PLA2G6: variants seen among roughly 807,000 people sequenced by gnomAD.
The protein encoded by PLA2G6 is 85/88 kDa calcium-independent phospholipase A2.
PLA2G6 carries 62 observed loss-of-function variants against 83.8 expected under a neutral mutation model. That is an observed-to-expected ratio of 0.74 (90% confidence interval 0.60 to 0.91). The LOEUF (loss-of-function observed/expected upper bound fraction) is 0.91, where lower values mean the gene tolerates loss of function less well. Ranked by LOEUF, PLA2G6 falls within the 40% of genes least tolerant of loss-of-function variation. The pLI, the probability that PLA2G6 is intolerant of heterozygous loss-of-function variation, is 0.00. For synonymous variants in PLA2G6, 417 were observed against 449.8 expected (o/e 0.93, Z 0.92); for missense variants, 944 against 1,102.0 (o/e 0.86, Z 2.03).
chr22:38,179,098 T>C (rs1212066537), intron 1 of PLA2G6, among the ~76,000 whole-genome samples: 1 of 151,996 alleles, frequency 6.6e-6, no homozygotes, highest in Non-Finnish European at 1.5e-5. Flanking sequence ...ACCAAGAAAT[T>C]GATCTTAAAT....
Position 38,135,081 on chromosome 22 carries a change from A to T in PLA2G6, c.801T>A (p.Cys267Ter). The T allele has an allele frequency of 6.2e-7, 1 of 1,612,356 alleles. No individual in the cohort carries two copies. Among genetic ancestry groups the T allele is most frequent in the African/African-American group, 1.3e-5 (1 of 74,916 alleles). The change falls in exon 6 of 17, where the codon TGT (cysteine) becomes TGA (stop). Residue 267 changes from cysteine (C) to a stop codon, truncating the protein, a stop_gained. Coordinates refer to ENST00000332509, the MANE Select transcript of PLA2G6 (RefSeq NM_003560.4). LOFTEE classifies it high-confidence loss of function. Reference sequence around the variant, plus strand: ...TGTCCATGCTGATGATCATCTCCGCACACCTGGTGAGAGAGGGGCCCCGGT... The same window carrying T: ...TGTCCATGCTGATGATCATCTCCGCTCACCTGGTGAGAGAGGGGCCCCGGT... ...HSAMKFSQKG[C>*]AEMIISMDSS... is the part of the protein sequence containing the mutation.
intron 2 of PLA2G6, among the ~76,000 whole-genome samples, chr22:38,166,868 C>G (rs1356820692): frequency 6.6e-6 from 1 of 152,206 alleles, no homozygotes. Flanking sequence ...CATCCCAAGG[C>G]TATTTTCTCA....
At chr22:38,168,145 A>C (rs976124450) in intron 2 of PLA2G6, 2 of 156,020 alleles carry the variant, frequency 1.3e-5, no homozygotes, top group Non-Finnish European at 2.9e-5. Context: ...GACCTCCCCC[A>C]CCAGACTGTA....
At chr22:38,177,458 CTT>C (rs72012543) in intron 1 of PLA2G6, among the ~76,000 whole-genome samples, 1,450 of 115,614 alleles carry the variant, frequency 0.013, 16 homozygotes, top group African/African-American at 0.042. Flanking sequence ...TAAATTGCCA[CTT>C]TTTTTTTTTT....
chr22:38,169,604 ATC>A (rs750721853), intron 1 of PLA2G6, 133 bp from the exon 2 acceptor site: 25 of 646,304 alleles, frequency 3.9e-5, no homozygotes, highest in Non-Finnish European at 5.9e-5. Context: ...GCCTGGAGGG[ATC>A]TTAAAAGGAG....
In PLA2G6 at chr22:38,140,181, G is replaced by A. The variant is rs750022023; in HGVS notation, c.610-12C>T. ...TTCCTTCCAAGGAGCTGATGAAAGA[G>A]GAAGGGAAGTTTGACTCCATAGGAT... On this transcript the variant is annotated splice_polypyrimidine_tract_variant and intron_variant, in intron 4 of 16. Transcript: ENST00000332509. The A allele has an allele frequency of 6.2e-7, 1 of 1,613,500 alleles. No individual in the cohort carries two copies. The highest frequency in any genetic ancestry group is 8.5e-7 in the Non-Finnish European group (1 of 1,179,688).
At chr22:38,143,396 GT>G in intron 3 of PLA2G6, 108 bp from the exon 4 acceptor site, 2 of 1,030,452 alleles carry the variant, frequency 1.9e-6, no homozygotes, top group South Asian at 1.3e-5. Context: ...GGACTTTCTG[GT>G]TTATTTGAGC....
chr22:38,145,959 G>A (rs187174752), intron 2 of PLA2G6: 82 of 388,368 alleles, frequency 2.1e-4, no homozygotes, highest in African/African-American at 1.5e-3. Flanking sequence ...CTGCATCTTC[G>A]AATTCCTGGG....
chr22:38,137,422 G>A (rs182947484), intron 5 of PLA2G6: 1 of 152,490 alleles, frequency 6.6e-6, no homozygotes, highest in Admixed American at 6.5e-5. Context: ...GGCATCCTCA[G>A]TCTCAGCCTC....
intron 10 of PLA2G6, 71 bp downstream of exon 10, chr22:38,126,300 C>T: frequency 1.7e-6 from 2 of 1,200,924 alleles, no homozygotes; most frequent in Non-Finnish European, 1.2e-6. Flanking sequence ...CCTGAGCCCA[C>T]AACAGGGGGT....
intron 10 of PLA2G6, among the ~76,000 whole-genome samples, chr22:38,124,451 G>C (rs1483279405): frequency 6.6e-6 from 1 of 152,136 alleles, no homozygotes; most frequent in Non-Finnish European, 1.5e-5. Flanking sequence ...CATCCTGCCT[G>C]TCCTCATTGG....
At chr22:38,180,854 G>GA (rs1297019782) in intron 1 of PLA2G6, among the ~76,000 whole-genome samples, 1 of 152,172 alleles carries the variant, frequency 6.6e-6, no homozygotes, top group African/African-American at 2.4e-5. Context: ...ACTCCAGGCA[G>GA]AAACTCTAAC....
rs1224787817 is a variant in PLA2G6, at chr22:38,135,025, T to A, written c.857A>T (p.Tyr286Phe). Residue 286 changes from tyrosine to phenylalanine, a missense_variant, in exon 6 of 17, where the codon TAC becomes TTC. Transcript: ENST00000332509. Reference sequence around the variant, plus strand: ...GGCCCAGTGGAGGGGGCTGGCTCCGTAACGGGGGTCTTTGCTGTGGATCTG... The same window carrying A: ...GGCCCAGTGGAGGGGGCTGGCTCCGAAACGGGGGTCTTTGCTGTGGATCTG... The part of the protein sequence containing the change: ...SSQIHSKDPR[Y>F]GASPLHWAKN... 5 of 1,550,758 alleles carry A rather than the reference T, an allele frequency of 3.2e-6. No individual in the cohort carries two copies. In the African/African-American group the frequency reaches 5.5e-5, roughly 17 times the overall value.
intron 10 of PLA2G6, 76 bp downstream of exon 10, chr22:38,126,295 G>T: frequency 1.8e-6 from 2 of 1,096,894 alleles, no homozygotes. Context: ...AAAGCCCTGA[G>T]CCCACAACAG....
At chr22:38,133,203 T>C (rs1207102401) in intron 6 of PLA2G6, 190 bp from the exon 7 acceptor site, 6 of 609,802 alleles carry the variant, frequency 9.8e-6, no homozygotes, top group Admixed American at 2.8e-5. Context: ...CCCATCAGCA[T>C]CCCAAGACTA....
chr22:38,125,208 G>A (rs2087773363), intron 10 of PLA2G6, among the ~76,000 whole-genome samples: 1 of 152,168 alleles, frequency 6.6e-6, no homozygotes, highest in Non-Finnish European at 1.5e-5. Flanking sequence ...GTGTGTGCAT[G>A]CACGTGTGTT....
intron 10 of PLA2G6, among the ~76,000 whole-genome samples, chr22:38,124,175 T>C (rs2087695607): frequency 6.6e-6 from 1 of 151,908 alleles, no homozygotes; most frequent in Non-Finnish European, 1.5e-5. Flanking sequence ...AGGGTCTCAC[T>C]CTGTCACCCA....
In PLA2G6 at chr22:38,123,334, T is replaced by G; in HGVS notation, c.1428-76A>C. ...ACTTTACATCCACCCTCATAGCCCT[T>G]GTCCCCTGCAGCTGTGTCCTGGCAG... On this transcript the variant is annotated intron_variant, in intron 10 of 16. Coordinates refer to ENST00000332509, the MANE Select transcript of PLA2G6 (RefSeq NM_003560.4). The surrounding 1 kb of genome is among the most constrained non-coding windows in gnomAD (Gnocchi z 4.1). The G allele has an allele frequency of 1.4e-6, 2 of 1,446,476 alleles. No individual in the cohort carries two copies. The highest frequency in any genetic ancestry group is 2.4e-5 in the South Asian group (2 of 81,708). The allele number at this position is 1,446,476 out of a possible 1,614,324, so 89.6% of individuals were successfully genotyped here.
chr22:38,123,349 T>G lies in PLA2G6; in HGVS notation c.1428-91A>C. ...TCATAGCCCTTGTCCCCTGCAGCTG[T>G]GTCCTGGCAGACAGACCCAGACGGA... On this transcript the variant is annotated intron_variant, in intron 10 of 16. Coordinates refer to ENST00000332509, the MANE Select transcript of PLA2G6 (RefSeq NM_003560.4). This position sits in a 1 kb window ranked among gnomAD's most constrained non-coding sequence, Gnocchi z 4.1. 2.0e-5 allele frequency: 26 copies of G among 1,318,788 alleles called. No individual in the cohort carries two copies. Among genetic ancestry groups the G allele is most frequent in the East Asian group, 2.5e-5 (1 of 39,596 alleles). The allele number at this position is 1,318,788 out of a possible 1,614,324, so 81.7% of individuals were successfully genotyped here.
Sources: gnomAD v4.1 joint callset for allele counts (sites outside exome capture counted in the v4.1 genomes callset) on GRCh38, gnomAD v4.1.1 for gene constraint, Gnocchi (gnomAD v3.1) non-coding constraint, MANE v1.5 for transcripts, NCBI Gene and HGNC (gene_info 2026-07-23, HGNC 2026-07-21) for gene names.